The following TUBAL3 variants were observed in gnomAD, a reference collection of about 807,000 sequenced individuals.
The protein encoded by TUBAL3 is tubulin alpha like 3.
In TUBAL3, 16 loss-of-function variants were observed where a neutral mutation model predicts 15.5. The ratio of observed to expected loss-of-function variants is 1.04; its 90% CI spans 0.70 to 1.57. The LOEUF (loss-of-function observed/expected upper bound fraction) is 1.57, where lower values mean the gene tolerates loss of function less well. Ranked by LOEUF, TUBAL3 falls within the 40% of genes most tolerant of loss-of-function variation. The probability of loss-of-function intolerance (pLI) is 0.00; values close to 1 mark genes in which losing one functional copy is unlikely to be tolerated. For missense variants in TUBAL3, 609 were observed against 576.2 expected (o/e 1.06, Z -0.58); for synonymous variants, 238 against 224.3 (o/e 1.06, Z -0.55).
In TUBAL3 at chr10:5,394,352, C is replaced by T; in HGVS notation, c.506G>A (p.Ser169Asn). 1 of 1,614,180 alleles carries T rather than the reference C, an allele frequency of 6.2e-7. No homozygotes were observed. Among genetic ancestry groups the T allele is most frequent in the Non-Finnish European group, 8.5e-7 (1 of 1,180,034 alleles). Reference sequence around the variant, plus strand: ...CGAGAACTCCAGCTTAGTCTTTCTGCTATATTCTCCTGTGAGCCTCTCCAT... The same window carrying T: ...CGAGAACTCCAGCTTAGTCTTTCTGTTATATTCTCCTGTGAGCCTCTCCAT... ...LLMERLTGEY[S>N]RKTKLEFSVY... The change falls in exon 4 of 4, where the codon AGC becomes AAC. Residue 169 changes from serine (S) to asparagine (N), a missense_variant. Transcript: ENST00000380419. This position sits in a 1 kb window ranked among gnomAD's most constrained non-coding sequence, Gnocchi z 4.3.
rs1271139240 is a variant in TUBAL3, at chr10:5,396,776, T to C, written c.248-1301A>G. 6.6e-6 allele frequency among the ~76,000 whole-genome samples: 1 copy of C among 152,168 alleles called. No homozygotes were observed. The highest frequency in any genetic ancestry group is 1.5e-5 in the Non-Finnish European group (1 of 68,022). Reference sequence around the variant, plus strand: ...CTCCTCCACCTTAGAATTACTCAAATAGCATTATTCCTGATGATTAAACAG... The same window carrying C: ...CTCCTCCACCTTAGAATTACTCAAACAGCATTATTCCTGATGATTAAACAG... On this transcript the variant is annotated intron_variant, in intron 2 of 3. Transcript: ENST00000380419. The surrounding 1 kb of genome is among the most constrained non-coding windows in gnomAD (Gnocchi z 5.1).
chr10:5,397,177 G>A lies in TUBAL3; in HGVS notation c.248-1702C>T, dbSNP rs768090487. Among the ~76,000 whole-genome samples the A allele has an allele frequency of 7.9e-5, 12 of 152,172 alleles. No homozygotes were observed. The highest frequency in any genetic ancestry group is 3.3e-4 in the Admixed American group (5 of 15,276). On this transcript the variant is annotated intron_variant, in intron 2 of 3. Coordinates refer to ENST00000380419, the MANE Select transcript of TUBAL3 (RefSeq NM_024803.3). This position sits in a 1 kb window ranked among gnomAD's most constrained non-coding sequence, Gnocchi z 4.9. ...AGAAGCTCACAGCCTAAGGAGAAAT[G>A]CATTGTGTTTCTGTTTAATAAGAGC... is the stretch of plus-strand genomic sequence containing the variant.
Position 5,395,589 on chromosome 10 carries a change from T to G in TUBAL3, c.248-114A>C, listed in dbSNP as rs774703498. The G allele has an allele frequency of 7.8e-5, 93 of 1,196,114 alleles. No individual in the cohort carries two copies. The highest frequency in any genetic ancestry group is 3.9e-5 in the Non-Finnish European group (35 of 904,910). 74.1% of individuals were successfully genotyped at this position (1,196,114 alleles called of 1,614,324 possible). A position where few individuals can be genotyped will look rare whatever the true frequency, so the allele number is the denominator to read the frequency against. On this transcript the variant is annotated intron_variant, in intron 2 of 3. Coordinates refer to ENST00000380419, the MANE Select transcript of TUBAL3 (RefSeq NM_024803.3). The surrounding 1 kb of genome is among the most constrained non-coding windows in gnomAD (Gnocchi z 4.6). ...TTGACTCCCATGCTTTCTCTCAATA[T>G]TGTGGTCCAGGAATGGAATTTAGAT...
rs144608245 is a variant in TUBAL3 at position 5,393,754 on chromosome 10, C to G, written c.1104G>C (p.Thr368=). 196 of 1,614,224 alleles carry G rather than the reference C, an allele frequency of 1.2e-4. No individual in the cohort carries two copies. Among genetic ancestry groups the G allele is most frequent in the Admixed American group, 9.8e-4 (59 of 60,020 alleles). ...FKVGINNRPP[T]VMPGGDLAKV... ...TGGCCAGGTCCCCACCCGGCATCAC[C>G]GTGGGCGGCCGATTGTTGATGCCCA... The change falls in exon 4 of 4, where the codon ACG becomes ACC. Residue 368 remains threonine (T), a synonymous_variant. Transcript: ENST00000380419.
chr10:5,401,968 C>T (rs1299216545), intron 1 of TUBAL3, among the ~76,000 whole-genome samples: 1 of 151,712 alleles, frequency 6.6e-6, no homozygotes, highest in Non-Finnish European at 1.5e-5. Context: ...GTTATGCAAC[C>T]CTTAAACGTT....
intron 1 of TUBAL3, among the ~76,000 whole-genome samples, chr10:5,403,424 T>C (rs1402927513): frequency 1.3e-5 from 2 of 152,180 alleles, no homozygotes; most frequent in African/African-American, 2.4e-5. Flanking sequence ...AGTTTACATG[T>C]AGATTTCTCT....
At position 5,394,356 on chromosome 10, in the gene TUBAL3, A is replaced by G; in HGVS notation, c.502T>C (p.Tyr168His). Residue 168 changes from tyrosine (Y) to histidine (H), a missense_variant, in exon 4 of 4, where the codon TAT (tyrosine) becomes CAT (histidine). Physicochemically the swap from Tyr to His is moderately conservative, Grantham distance 83. Coordinates refer to ENST00000380419, the MANE Select transcript of TUBAL3 (RefSeq NM_024803.3). This position sits in a 1 kb window ranked among gnomAD's most constrained non-coding sequence, Gnocchi z 4.3. ...SLLMERLTGE[Y>H]SRKTKLEFSV... ...AACTCCAGCTTAGTCTTTCTGCTAT[A>G]TTCTCCTGTGAGCCTCTCCATTAAG... 6.2e-7 allele frequency: 1 copy of G among 1,614,108 alleles called. No homozygotes were observed. Among genetic ancestry groups the G allele is most frequent in the South Asian group, 1.1e-5 (1 of 91,076 alleles).
intron 1 of TUBAL3, among the ~76,000 whole-genome samples, chr10:5,403,784 A>G (rs1831892438): frequency 6.6e-6 from 1 of 152,232 alleles, no homozygotes; most frequent in South Asian, 2.1e-4. Context: ...GTCACACTAT[A>G]AAGTAGAAGA....
In TUBAL3 at chr10:5,394,031, A is replaced by G. The variant is rs376671619; in HGVS notation, c.827T>C (p.Met276Thr). 9 of 1,614,202 alleles carry G rather than the reference A, an allele frequency of 5.6e-6. No homozygotes were observed. Among genetic ancestry groups the G allele is most frequent in the South Asian group, 1.1e-5 (1 of 91,082 alleles). Residue 276 changes from methionine to threonine, a missense_variant, in exon 4 of 4, where the codon ATG becomes ACG. Met to Thr is a moderately conservative substitution (Grantham distance 81). Coordinates refer to ENST00000380419, the MANE Select transcript of TUBAL3 (RefSeq NM_024803.3). This position sits in a 1 kb window ranked among gnomAD's most constrained non-coding sequence, Gnocchi z 4.3. ...LVPYPRIHFP[M>T]TAFAPIVSAD... is the part of the protein sequence containing the mutation. ...AGAGACGATGGGGGCGAAGGCTGTC[A>G]TGGGGAAATGTATTCTCGGATAAGG...
At chr10:5,403,328 T>G (rs1554814794) in intron 1 of TUBAL3, among the ~76,000 whole-genome samples, 1 of 152,184 alleles carries the variant, frequency 6.6e-6, no homozygotes, top group Admixed American at 6.5e-5. Context: ...TGATCAAAAC[T>G]TGGCTCCTTA....
In TUBAL3 at chr10:5,394,289, T is replaced by G. The variant is rs782409423; in HGVS notation, c.569A>C (p.Glu190Ala). 1 of 1,614,006 alleles carries G rather than the reference T, an allele frequency of 6.2e-7. No individual in the cohort carries two copies. Among genetic ancestry groups the G allele is most frequent in the African/African-American group, 1.3e-5 (1 of 74,904 alleles). Residue 190 changes from glutamate (E) to alanine (A), a missense_variant, in exon 4 of 4, where the codon GAG becomes GCG. Physicochemically the swap from Glu to Ala is moderately radical, Grantham distance 107. Transcript: ENST00000380419. This position sits in a 1 kb window ranked among gnomAD's most constrained non-coding sequence, Gnocchi z 4.3. ...GGTGGTGAGGACAGAGTTATAAGGC[T>G]CTACCACAGCAGTGGAGATCCTGGG... The part of the protein sequence containing the change: ...PAPRISTAVV[E>A]PYNSVLTTHS...
rs187231850 is a variant in TUBAL3 at position 5,401,065 on chromosome 10, A to G, written c.26T>C (p.Ile9Thr). 131 of 1,614,142 alleles carry G rather than the reference A, an allele frequency of 8.1e-5. 3 individuals carry two copies. The East Asian group carries it at 2.7e-3, about 33-fold the overall frequency. ...CCCAATCTGGATGCCAGCTTGACCG[A>G]TGTGGATGGAAAGGCACTCCCTCTA... Reference protein sequence around the residue: MRECLSIHIGQAGIQIGDA... With the variant: MRECLSIHTGQAGIQIGDA... Residue 9 changes from isoleucine to threonine, a missense_variant, in exon 2 of 4, where the codon ATC becomes ACC. Ile to Thr is a moderately conservative substitution (Grantham distance 89). Coordinates refer to ENST00000380419, the MANE Select transcript of TUBAL3 (RefSeq NM_024803.3).
At chr10:5,404,091 G>C (rs573764637) in intron 1 of TUBAL3, among the ~76,000 whole-genome samples, 1 of 152,236 alleles carries the variant, frequency 6.6e-6, no homozygotes, top group South Asian at 2.1e-4. Flanking sequence ...ATGTTGAAAG[G>C]CATAATTTTT....
chr10:5,399,517 C>T (rs1160306844), intron 2 of TUBAL3, among the ~76,000 whole-genome samples: 1 of 152,224 alleles, frequency 6.6e-6, no homozygotes, highest in Non-Finnish European at 1.5e-5. Flanking sequence ...CCTCCAGAAT[C>T]GTGAGAAATC....
chr10:5,393,863 G>T lies in TUBAL3; in HGVS notation c.995C>A (p.Pro332His). 6.2e-7 allele frequency: 1 copy of T among 1,614,132 alleles called. No homozygotes were observed. Among genetic ancestry groups the T allele is most frequent in the Non-Finnish European group, 8.5e-7 (1 of 1,180,042 alleles). ...CCLLYRGDVV[P>H]KEVNAAIAAT... is the part of the protein sequence containing the mutation. The stretch of plus-strand genomic sequence containing the variant: ...TGCGATTGCTGCATTCACTTCCTTG[G>T]GGACCACATCCCCTCTATAGAGTAG... The change falls in exon 4 of 4, where the codon CCC becomes CAC. Residue 332 changes from proline to histidine, a missense_variant. Physicochemically the swap from Pro to His is moderately conservative, Grantham distance 77. Transcript: ENST00000380419.
intron 2 of TUBAL3, among the ~76,000 whole-genome samples, chr10:5,398,123 TA>T (rs1303510012): frequency 6.6e-6 from 1 of 151,802 alleles, no homozygotes; most frequent in African/African-American, 2.4e-5. Context: ...CCTATCTCTA[TA>T]AAAAACAAAA....
At chr10:5,399,594 G>C (rs35919465) in intron 2 of TUBAL3, among the ~76,000 whole-genome samples, 9,522 of 152,300 alleles carry the variant, frequency 0.063, 337 homozygotes, top group South Asian at 0.18. Flanking sequence ...GACCAAGACA[G>C]GCATCTTCAC....
intron 1 of TUBAL3, among the ~76,000 whole-genome samples, chr10:5,404,198 T>C (rs774330445): frequency 1.6e-4 from 24 of 152,184 alleles, no homozygotes; most frequent in Admixed American, 5.2e-4. Flanking sequence ...GTTGCTTCCA[T>C]TGAAGAATTA....
chr10:5,394,321 G>A lies in TUBAL3; in HGVS notation c.537C>T (p.Tyr179=), dbSNP rs1286288176. The change falls in exon 4 of 4, where the codon TAC becomes TAT. Residue 179 remains tyrosine, a synonymous_variant. Transcript: ENST00000380419. The surrounding 1 kb of genome is among the most constrained non-coding windows in gnomAD (Gnocchi z 4.3). Reference sequence around the variant, plus strand: ...CAGCAGTGGAGATCCTGGGGGCTGGGTAGACCGAGAACTCCAGCTTAGTCT... The same window carrying A: ...CAGCAGTGGAGATCCTGGGGGCTGGATAGACCGAGAACTCCAGCTTAGTCT... ...SRKTKLEFSV[Y]PAPRISTAVV... 1.1e-5 allele frequency: 18 copies of A among 1,614,032 alleles called. No individual in the cohort carries two copies. Among genetic ancestry groups the A allele is most frequent in the Non-Finnish European group, 1.5e-5 (18 of 1,180,036 alleles).
Sources: allele counts gnomAD v4.1 joint callset (sites outside exome capture counted in the v4.1 genomes callset), GRCh38; gene constraint gnomAD v4.1.1; non-coding constraint Gnocchi (gnomAD v3.1); transcripts MANE v1.5; gene names NCBI Gene and HGNC (gene_info 2026-07-23, HGNC 2026-07-21).